Variants in SATL1 observed in about 807,000 individuals in gnomAD.
SATL1 encodes spermidine/spermine N1-acetyl transferase like 1, also known as spermidine/spermine N(1)-acetyltransferase-like protein 1.
In SATL1, 47 loss-of-function variants were observed where a neutral mutation model predicts 51.8. The observed-to-expected ratio is 0.91, with a 90% CI of 0.72 to 1.16. The LOEUF is 1.16. Ranked by LOEUF, SATL1 falls within the 50% of genes most tolerant of loss-of-function variation. The probability of loss-of-function intolerance (pLI) is 0.00; values close to 1 mark genes in which losing one functional copy is unlikely to be tolerated. For missense variants in SATL1, 520 were observed against 526.4 expected (o/e 0.99, Z 0.12); for synonymous variants, 176 against 182.4 (o/e 0.97, Z 0.28).
intron 1 of SATL1, among the ~76,000 whole-genome samples, chrX:85,235,941 G>A (rs760217021): frequency 9.0e-6 from 1 of 110,585 alleles, no homozygotes; most frequent in South Asian, 3.8e-4. Flanking sequence ...CTTTTAACCA[G>A]ACTAATCAAG....
chrX:85,201,213 G>A (rs897847397), intron 2 of SATL1, among the ~76,000 whole-genome samples: 7 of 111,256 alleles, frequency 6.3e-5, no homozygotes, highest in African/African-American at 2.3e-4. Flanking sequence ...ATCAGAAGTA[G>A]GGAAATGTTT....
intron 2 of SATL1, among the ~76,000 whole-genome samples, chrX:85,117,966 C>CT (rs1270290365): frequency 2.8e-5 from 3 of 108,857 alleles, no homozygotes; most frequent in Non-Finnish European, 3.8e-5. Flanking sequence ...GGACAAAAGA[C>CT]TTTTTTTGTT....
chrX:85,216,703 T>C (rs1233989559), intron 2 of SATL1, among the ~76,000 whole-genome samples: 1 of 111,470 alleles, frequency 9.0e-6, no homozygotes. Flanking sequence ...TAACAATGTA[T>C]TCAAGAGAGT....
At chrX:85,130,661 A>G (rs1925767269) in intron 2 of SATL1, among the ~76,000 whole-genome samples, 1 of 110,283 alleles carries the variant, frequency 9.1e-6, no homozygotes, top group Non-Finnish European at 1.9e-5. Context: ...TTCTGCTCTG[A>G]TCTTAGTTAT....
intron 2 of SATL1, among the ~76,000 whole-genome samples, chrX:85,111,791 G>C: frequency 8.9e-6 from 1 of 111,788 alleles, no homozygotes; most frequent in East Asian, 2.8e-4. Context: ...AAAATGTTTT[G>C]AATTAATGTA....
chrX:85,200,919 T>C (rs17004157), intron 2 of SATL1, among the ~76,000 whole-genome samples: 2,203 of 110,768 alleles, frequency 0.02, 44 homozygotes, highest in African/African-American at 0.051. Context: ...TTAAAACATA[T>C]GGTCTTTATT....
chrX:85,100,943 T>C (rs1221411520), intron 4 of SATL1, among the ~76,000 whole-genome samples: 1 of 111,917 alleles, frequency 8.9e-6, no homozygotes, highest in African/African-American at 3.2e-5. Flanking sequence ...TGACCATTCA[T>C]GGGGAAAAGG....
intron 2 of SATL1, among the ~76,000 whole-genome samples, chrX:85,187,205 A>G (rs1927332381): frequency 8.9e-6 from 1 of 112,133 alleles, no homozygotes; most frequent in Non-Finnish European, 1.9e-5. Flanking sequence ...ACTTTACTGT[A>G]TAATTTTACT....
intron 2 of SATL1, among the ~76,000 whole-genome samples, chrX:85,175,969 C>A (rs1311152630): frequency 9.0e-6 from 1 of 111,386 alleles, no homozygotes; most frequent in African/African-American, 3.3e-5. Context: ...GGGCAGAGAG[C>A]AAAGATGGAG....
At chrX:85,166,012 A>G in intron 2 of SATL1, among the ~76,000 whole-genome samples, 1 of 111,575 alleles carries the variant, frequency 9.0e-6, no homozygotes, top group Non-Finnish European at 1.9e-5. Flanking sequence ...GACATACAAA[A>G]ACAAAAAGTG....
intron 3 of SATL1, among the ~76,000 whole-genome samples, chrX:85,106,160 G>A (rs2147689264): frequency 8.9e-6 from 1 of 111,995 alleles, no homozygotes; most frequent in East Asian, 2.8e-4. Flanking sequence ...TTTAAAAAAT[G>A]TTTTCTACCA....
intron 1 of SATL1, among the ~76,000 whole-genome samples, chrX:85,241,022 GAA>G (rs1204076241): frequency 9.1e-6 from 1 of 110,394 alleles, no homozygotes; most frequent in African/African-American, 3.3e-5. Context: ...CTCAAACTTG[GAA>G]TTAGCTATTC....
At chrX:85,214,370 T>C (rs1452049680) in intron 2 of SATL1, among the ~76,000 whole-genome samples, 1 of 110,958 alleles carries the variant, frequency 9.0e-6, no homozygotes, top group Non-Finnish European at 1.9e-5. Context: ...AAGAAGTCAC[T>C]TACTACTGAG....
intron 1 of SATL1, among the ~76,000 whole-genome samples, chrX:85,234,926 G>T (rs1232307405): frequency 9.1e-6 from 1 of 110,207 alleles, no homozygotes; most frequent in African/African-American, 3.3e-5. Flanking sequence ...TGGCTGAATG[G>T]TTTTAAAAAA....
chrX:85,181,097 A>ATGTGTG lies in SATL1; in HGVS notation c.-313+43102_-313+43107dup, dbSNP rs56714701. Among the ~76,000 whole-genome samples the ATGTGTG allele has an allele frequency of 4.8e-3, 488 of 102,667 alleles. 3 individuals are homozygous for ATGTGTG. The highest frequency in any genetic ancestry group is 0.017 in the African/African-American group (468 of 28,015). The allele number at this position is 102,667 out of a possible 115,157, so 89.2% of individuals were successfully genotyped here. A position where few individuals can be genotyped will look rare whatever the true frequency, so the allele number is the denominator to read the frequency against. On this transcript the variant is annotated intron_variant, in intron 2 of 7. Transcript: ENST00000644105. The stretch of plus-strand genomic sequence containing the variant: ...CGTAAGTGAAAAACAGCTGAATGTA[A>ATGTGTG]TGTGTGTGTGTGTGTGTGTGTATAT...
At chrX:85,199,043 G>T (rs1302799411) in intron 2 of SATL1, among the ~76,000 whole-genome samples, 1 of 109,864 alleles carries the variant, frequency 9.1e-6, no homozygotes, top group Non-Finnish European at 1.9e-5. Flanking sequence ...GTTTCACCAT[G>T]TTGGCCAGCA....
intron 2 of SATL1, among the ~76,000 whole-genome samples, chrX:85,157,257 G>A (rs187484729): frequency 2.5e-3 from 274 of 110,323 alleles, no homozygotes; most frequent in African/African-American, 8.2e-3. Flanking sequence ...GATGAATCAA[G>A]GAGAGTGGCA....
chrX:85,178,657 C>CA (rs771983993), intron 2 of SATL1, among the ~76,000 whole-genome samples: 60 of 102,952 alleles, frequency 5.8e-4, no homozygotes, highest in African/African-American at 2.0e-3. Context: ...CAAAAAAAAA[C>CA]AAAAAAACAA....
At chrX:85,102,377 A>C (rs1168151249) in intron 4 of SATL1, among the ~76,000 whole-genome samples, 1 of 111,486 alleles carries the variant, frequency 9.0e-6, no homozygotes, top group Non-Finnish European at 1.9e-5. Flanking sequence ...GGAGATGGAT[A>C]GTGGTGCTGG....
Sources: allele counts gnomAD v4.1 joint callset (sites outside exome capture counted in the v4.1 genomes callset), GRCh38; gene constraint gnomAD v4.1.1; transcripts MANE v1.5; gene names NCBI Gene and HGNC (gene_info 2026-07-23, HGNC 2026-07-21).